Variants in DOK6 observed in about 807,000 individuals in gnomAD.
The protein encoded by DOK6 is docking protein 6.
DOK6 carries 22 observed loss-of-function variants against 44.0 expected under a neutral mutation model. The ratio of observed to expected loss-of-function variants is 0.50; its 90% CI spans 0.36 to 0.71. DOK6 has a LOEUF of 0.71. Ranked by LOEUF, DOK6 falls within the 30% of genes least tolerant of loss-of-function variation. The pLI, the probability that DOK6 is intolerant of heterozygous loss-of-function variation, is 0.00. For synonymous variants in DOK6, 166 were observed against 145.5 expected, an observed-to-expected ratio of 1.14 and a Z score of -1.01; for missense variants, 340 against 416.4, an observed-to-expected ratio of 0.82 and a Z score of 1.60.
chr18:69,472,027 G>A (rs943240447), intron 1 of DOK6, among the ~76,000 whole-genome samples: 1 of 152,058 alleles, frequency 6.6e-6, no homozygotes, highest in African/African-American at 2.4e-5. Context: ...CAGGGACTGT[G>A]GTCAGGGCTT....
At chr18:69,538,846 T>C (rs1352279603) in intron 1 of DOK6, among the ~76,000 whole-genome samples, 1 of 152,084 alleles carries the variant, frequency 6.6e-6, no homozygotes, top group Admixed American at 6.6e-5. Context: ...GGATCCCTTT[T>C]TCCTCTCCAG....
rs1982355700 is a variant in DOK6, at chr18:69,846,868, T to A, written c.*5485T>A. On this transcript the variant is annotated 3_prime_UTR_variant, in exon 8 of 8. Coordinates refer to ENST00000382713, the MANE Select transcript of DOK6 (RefSeq NM_152721.6). ...CCATTATCAACAAGAATTGGGGAAATGACTTTTTTACATTATAATACCTTA... is the reference window on the plus strand; with the variant it reads ...CCATTATCAACAAGAATTGGGGAAAAGACTTTTTTACATTATAATACCTTA... 1 of 152,116 alleles carries A rather than the reference T, an allele frequency of 6.6e-6. No homozygotes were observed. Among genetic ancestry groups the A allele is most frequent in the African/African-American group, 2.4e-5 (1 of 41,428 alleles). The allele number at this position is 152,116 out of a possible 1,614,324, so 9.4% of individuals were successfully genotyped here.
chr18:69,646,459 T>C (rs1985076256), intron 3 of DOK6, among the ~76,000 whole-genome samples: 1 of 152,200 alleles, frequency 6.6e-6, no homozygotes, highest in South Asian at 2.1e-4. Flanking sequence ...GTATTCTCTT[T>C]TTAAAATTTC....
At chr18:69,762,817 C>T (rs1334304453) in intron 7 of DOK6, among the ~76,000 whole-genome samples, 2 of 152,200 alleles carry the variant, frequency 1.3e-5, no homozygotes, top group South Asian at 2.1e-4. Context: ...TCATTTCTCT[C>T]ATCCATTGCT....
In DOK6 at chr18:69,617,730, G is replaced by GAAAGAAAGAAAGAAAGAAAAA; in HGVS notation, c.289+18232_289+18233insAAAGAAAGAAAGAAAGAAAAA. ...AGAAAAGAAAGAAAGAAAGAAAAAA[G>GAAAGAAAGAAAGAAAGAAAAA]GGGGAAGGAGGGAAGGAAGGAAGGA... On this transcript the variant is annotated intron_variant, in intron 3 of 7. Coordinates refer to ENST00000382713, the MANE Select transcript of DOK6 (RefSeq NM_152721.6). 4.8e-3 allele frequency among the ~76,000 whole-genome samples: 422 copies of GAAAGAAAGAAAGAAAGAAAAA among 88,782 alleles called. 50 individuals carry two copies. Among genetic ancestry groups the GAAAGAAAGAAAGAAAGAAAAA allele is most frequent in the East Asian group, 0.012 (27 of 2,342 alleles). The allele number at this position is 88,782 out of a possible 152,430, so 58.2% of individuals were successfully genotyped here.
At chr18:69,448,498 A>G (rs2122453823) in intron 1 of DOK6, among the ~76,000 whole-genome samples, 1 of 152,108 alleles carries the variant, frequency 6.6e-6, no homozygotes, top group African/African-American at 2.4e-5. Flanking sequence ...CATCCTTCTA[A>G]GTAGCTGAGA....
At chr18:69,545,069 G>A (rs1240195282) in intron 1 of DOK6, among the ~76,000 whole-genome samples, 2 of 149,456 alleles carry the variant, frequency 1.3e-5, no homozygotes, top group Non-Finnish European at 3.0e-5. Context: ...GCAGTGAGCC[G>A]AGATTGCGCC....
intron 7 of DOK6, among the ~76,000 whole-genome samples, chr18:69,785,274 T>C (rs74783772): frequency 0.02 from 3,011 of 152,332 alleles, 52 homozygotes; most frequent in Admixed American, 0.036. Flanking sequence ...TCATCAAATC[T>C]AGAATTTAAT....
chr18:69,463,049 G>C (rs1979829494), intron 1 of DOK6, among the ~76,000 whole-genome samples: 1 of 152,078 alleles, frequency 6.6e-6, no homozygotes, highest in Non-Finnish European at 1.5e-5. Context: ...AACATCAATT[G>C]GGTTGCTTAT....
chr18:69,539,700 G>C (rs1270546363), intron 1 of DOK6, among the ~76,000 whole-genome samples: 1 of 151,918 alleles, frequency 6.6e-6, no homozygotes, highest in Non-Finnish European at 1.5e-5. Context: ...TGCAGGTTTT[G>C]CTATATGAAC....
intron 3 of DOK6, among the ~76,000 whole-genome samples, chr18:69,675,915 A>G (rs1380431744): frequency 6.6e-6 from 1 of 152,182 alleles, no homozygotes. Flanking sequence ...CTAAAAGAAA[A>G]AAGTTTTGTT....
At chr18:69,832,019 CCTTT>C (rs1024418882) in intron 7 of DOK6, among the ~76,000 whole-genome samples, 3 of 151,982 alleles carry the variant, frequency 2.0e-5, no homozygotes, top group African/African-American at 7.3e-5. Flanking sequence ...ATTTGGATGC[CCTTT>C]CTTTCTTTTG....
At chr18:69,818,656 C>T (rs779576634) in intron 7 of DOK6, among the ~76,000 whole-genome samples, 13 of 152,218 alleles carry the variant, frequency 8.5e-5, no homozygotes, top group Non-Finnish European at 1.8e-4. Context: ...ACAACACCTA[C>T]ATGAGCATTT....
intron 7 of DOK6, among the ~76,000 whole-genome samples, chr18:69,800,897 C>T (rs1980884478): frequency 6.6e-6 from 1 of 151,978 alleles, no homozygotes; most frequent in African/African-American, 2.4e-5. Context: ...TTATAACAAA[C>T]AAGTTTATTT....
chr18:69,677,981 G>C, intron 4 of DOK6, 128 bp downstream of exon 4: 1 of 1,375,292 alleles, frequency 7.3e-7, no homozygotes, highest in Non-Finnish European at 9.6e-7. Flanking sequence ...GAGTGCAGTG[G>C]CGCAAACCTG....
At chr18:69,806,907 G>C (rs1981067197) in intron 7 of DOK6, among the ~76,000 whole-genome samples, 1 of 151,966 alleles carries the variant, frequency 6.6e-6, no homozygotes, top group South Asian at 2.1e-4. Context: ...CTTACATCAA[G>C]TTTTATACAG....
intron 1 of DOK6, among the ~76,000 whole-genome samples, chr18:69,549,676 G>C (rs1982508819): frequency 6.6e-6 from 1 of 151,418 alleles, no homozygotes; most frequent in South Asian, 2.1e-4. Context: ...TTAATGAAGT[G>C]AGAGTTTGTT....
chr18:69,493,685 A>G (rs575806867), intron 1 of DOK6, among the ~76,000 whole-genome samples: 3 of 152,196 alleles, frequency 2.0e-5, no homozygotes, highest in African/African-American at 2.4e-5. Context: ...AATCAGCTAT[A>G]TATAAGAATT....
At position 69,677,744 on chromosome 18, in the gene DOK6, C is replaced by T. The variant is rs1261262261; in HGVS notation, c.300C>T (p.Ala100=). ...KTFACESELE[A]EEWCKHLCME... ...TGTGGTTACTTTCAGAGCTGGAGGC[C>T]GAGGAGTGGTGCAAGCACCTCTGCA... Residue 100 remains alanine, a synonymous_variant, in exon 4 of 8, where the codon GCC becomes GCT. Transcript: ENST00000382713. The T allele has an allele frequency of 3.1e-6, 5 of 1,613,424 alleles. No homozygotes were observed. Among genetic ancestry groups the T allele is most frequent in the East Asian group, 2.2e-5 (1 of 44,848 alleles).
Sources: gnomAD v4.1 joint callset for allele counts (sites outside exome capture counted in the v4.1 genomes callset) on GRCh38, gnomAD v4.1.1 for gene constraint, MANE v1.5 for transcripts, NCBI Gene and HGNC (gene_info 2026-07-23, HGNC 2026-07-21) for gene names.